Variants in RAB11FIP3 observed in about 807,000 individuals in gnomAD.
RAB11FIP3 encodes RAB11 family interacting protein 3.
In RAB11FIP3, 17 loss-of-function variants were observed where a neutral mutation model predicts 77.8. The ratio of observed to expected loss-of-function variants is 0.22; its 90% CI spans 0.15 to 0.33. RAB11FIP3 has a LOEUF of 0.33. RAB11FIP3 is among the 10% of genes least tolerant of loss of function. The pLI is 1.00. For missense variants in RAB11FIP3, 1,005 were observed against 1,011.2 expected (o/e 0.99, Z 0.08); for synonymous variants, 437 against 448.2 (o/e 0.98, Z 0.31).
Position 519,839 on chromosome 16 carries a change from G to C in RAB11FIP3, c.1808G>C (p.Arg603Thr), listed in dbSNP as rs1291033947. 1 of 1,602,806 alleles carries C rather than the reference G, an allele frequency of 6.2e-7. No homozygotes were observed. The highest frequency in any genetic ancestry group is 8.5e-7 in the Non-Finnish European group (1 of 1,174,990). The change falls in exon 11 of 14, where the codon AGG becomes ACG. Residue 603 changes from arginine to threonine, a missense_variant. Arg to Thr is a moderately conservative substitution (Grantham distance 71, BLOSUM62 -1). Coordinates refer to ENST00000262305, the MANE Select transcript of RAB11FIP3 (RefSeq NM_014700.4). ...EQENKRRMGDRLSHERHQFQR... is the reference protein window; with the variant it reads ...EQENKRRMGDTLSHERHQFQR... ...GAGAACAAGAGGAGAATGGGGGACA[G>C]GCTGAGTCACGAGAGGCACCAGTTC...
intron 6 of RAB11FIP3, chr16:497,545 C>T: frequency 9.7e-7 from 1 of 1,028,662 alleles, no homozygotes; most frequent in Non-Finnish European, 1.2e-6. Flanking sequence ...CTCCAGCTTC[C>T]TCTGGAGCAT....
Position 426,751 on chromosome 16 carries a change from A to G in RAB11FIP3, c.714+31A>G, listed in dbSNP as rs370595601. 2.9e-5 allele frequency: 42 copies of G among 1,455,820 alleles called. No homozygotes were observed. Among genetic ancestry groups the G allele is most frequent in the Non-Finnish European group, 3.8e-5 (42 of 1,100,350 alleles). 90.2% of individuals were successfully genotyped at this position (1,455,820 alleles called of 1,614,324 possible). A position where few individuals can be genotyped will look rare whatever the true frequency, so the allele number is the denominator to read the frequency against. On this transcript the variant is annotated intron_variant, in intron 1 of 13. Transcript: ENST00000262305. The surrounding 1 kb of genome is among the most constrained non-coding windows in gnomAD (Gnocchi z 5.0). ...GAGCGGCCCGGGCCGGGGCGTGGGA[A>G]CTGGGCAGGTGCGCGCTGGCCGGCG...
Position 461,487 on chromosome 16 carries a change from C to A in RAB11FIP3, c.798C>A (p.Ile266=). The A allele has an allele frequency of 6.2e-7, 1 of 1,613,420 alleles. No individual in the cohort carries two copies. The highest frequency in any genetic ancestry group is 8.5e-7 in the Non-Finnish European group (1 of 1,179,842). The change falls in exon 2 of 14, where the codon ATC becomes ATA. Residue 266 remains isoleucine (I), a synonymous_variant. Transcript: ENST00000262305. This position sits in a 1 kb window ranked among gnomAD's most constrained non-coding sequence, Gnocchi z 4.5. ...FEDFYQGITA[I]RNGDPDGQCY... is the part of the protein sequence containing the mutation. ...ACTTCTACCAAGGGATCACAGCCATCAGAAACGGAGGTCAGTCATCCCCGC... is the reference window on the plus strand; with the variant it reads ...ACTTCTACCAAGGGATCACAGCCATAAGAAACGGAGGTCAGTCATCCCCGC...
intron 5 of RAB11FIP3, among the ~76,000 whole-genome samples, chr16:494,054 TC>T (rs2030871709): frequency 1.2e-5 from 1 of 81,112 alleles, no homozygotes; most frequent in Non-Finnish European, 2.3e-5. Flanking sequence ...CAGGCGCCCA[TC>T]ACCACACCTG....
intron 5 of RAB11FIP3, among the ~76,000 whole-genome samples, chr16:492,425 C>CCCCGGAGACCCGAGGCCGCCCAGAGCCCT: frequency 2.3e-5 from 1 of 43,222 alleles, no homozygotes; most frequent in South Asian, 5.1e-4. Flanking sequence ...CCAGGGCCCT[C>CCCCGGAGACCCGAGGCCGCCCAGAGCCCT]CCCGGGAGAC....
intron 3 of RAB11FIP3, among the ~76,000 whole-genome samples, chr16:478,942 G>A (rs1408046578): frequency 6.6e-6 from 1 of 152,126 alleles, no homozygotes; most frequent in Admixed American, 6.6e-5. Context: ...TCCAGCCTGG[G>A]TGACAGAGTG....
chr16:497,104 T>C (rs2031203036), intron 6 of RAB11FIP3: 2 of 556,698 alleles, frequency 3.6e-6, no homozygotes, highest in Non-Finnish European at 5.8e-6. Flanking sequence ...GCTGGGCCTC[T>C]TGTGTGTTCA....
At chr16:510,281 GT>G (rs2032078779) in intron 8 of RAB11FIP3, among the ~76,000 whole-genome samples, 1 of 152,286 alleles carries the variant, frequency 6.6e-6, no homozygotes, top group East Asian at 1.9e-4. Flanking sequence ...GAGCGCACGC[GT>G]TGTGTGTAGT....
Position 426,444 on chromosome 16 carries a change from G to C in RAB11FIP3, c.438G>C (p.Gln146His), listed in dbSNP as rs1484954919. The change falls in exon 1 of 14, where the codon CAG becomes CAC. Residue 146 changes from glutamine to histidine, a missense_variant. By Grantham distance (24) the Gln-to-His change is conservative. This residue lies in a region of RAB11FIP3 where 466 missense variants were observed against 408.3 expected (regional missense o/e 1.14). Transcript: ENST00000262305. The surrounding 1 kb of genome is among the most constrained non-coding windows in gnomAD (Gnocchi z 5.0). ...SCPESAPFRL[Q>H]GSSSSHRARG... ...CGGAGAGCGCGCCTTTCCGCTTGCAGGGGTCCAGCAGCAGCCACCGAGCGC... is the reference window on the plus strand; with the variant it reads ...CGGAGAGCGCGCCTTTCCGCTTGCACGGGTCCAGCAGCAGCCACCGAGCGC... 1 of 1,585,508 alleles carries C rather than the reference G, an allele frequency of 6.3e-7. No homozygotes were observed. The highest frequency in any genetic ancestry group is 1.8e-5 in the Admixed American group (1 of 56,204).
At chr16:502,461 T>A (rs550206486) in intron 6 of RAB11FIP3, among the ~76,000 whole-genome samples, 1 of 152,304 alleles carries the variant, frequency 6.6e-6, no homozygotes, top group Non-Finnish European at 1.5e-5. Context: ...CGGACCAGTT[T>A]CCCAGTGTGT....
At chr16:445,118 A>C (rs1165801247) in intron 1 of RAB11FIP3, among the ~76,000 whole-genome samples, 1 of 139,112 alleles carries the variant, frequency 7.2e-6, no homozygotes, top group Admixed American at 7.3e-5. Flanking sequence ...TGTCTCAAAA[A>C]AAAAAAAAAA....
At chr16:492,413 G>A (rs980343765) in intron 5 of RAB11FIP3, among the ~76,000 whole-genome samples, 7 of 142,906 alleles carry the variant, frequency 4.9e-5, no homozygotes, top group African/African-American at 1.3e-4. Flanking sequence ...ACCCGAGGCC[G>A]CCCAGGGCCC....
At chr16:491,331 C>G in intron 5 of RAB11FIP3, 1 of 1,275,290 alleles carries the variant, frequency 7.8e-7, no homozygotes, top group Non-Finnish European at 1.0e-6. Context: ...CGGATACCCA[C>G]AGCCCCCTTG....
In RAB11FIP3 at chr16:511,017, G is replaced by A. The variant is rs544626251; in HGVS notation, c.1640+217G>A. Among the ~76,000 whole-genome samples, 6 of 141,080 alleles carry A rather than the reference G, an allele frequency of 4.3e-5. 1 individual carries two copies. The East Asian group carries it at 8.6e-4, about 20-fold the overall frequency. 92.6% of individuals were successfully genotyped at this position (141,080 alleles called of 152,430 possible). ...GGTAGGAGAAGTTCCCCGAAAGTCC[G>A]CCAACCCCAGAACCTGCCGGCCAGG... On this transcript the variant is annotated intron_variant, in intron 9 of 13. Coordinates refer to ENST00000262305, the MANE Select transcript of RAB11FIP3 (RefSeq NM_014700.4).
rs994872134 is a variant in RAB11FIP3 at position 503,016 on chromosome 16, G to A, written c.1314G>A (p.Gln438=). 5.6e-6 allele frequency: 9 copies of A among 1,612,368 alleles called. No individual in the cohort carries two copies. In the African/African-American group the frequency reaches 9.3e-5, roughly 17 times the overall value. The change falls in exon 7 of 14, where the codon CAG becomes CAA. Residue 438 remains glutamine, a synonymous_variant. Coordinates refer to ENST00000262305, the MANE Select transcript of RAB11FIP3 (RefSeq NM_014700.4). ...SSKKVARYLH[Q]SGALTMEALE... Reference sequence around the variant, plus strand: ...GCCTTTTCTGTAGGTACCTGCACCAGTCAGGGGCCCTGACCATGGAGGCCC... The same window carrying A: ...GCCTTTTCTGTAGGTACCTGCACCAATCAGGGGCCCTGACCATGGAGGCCC...
intron 1 of RAB11FIP3, among the ~76,000 whole-genome samples, chr16:460,711 T>C (rs781378274): frequency 2.0e-5 from 3 of 152,214 alleles, no homozygotes; most frequent in Non-Finnish European, 2.9e-5. Flanking sequence ...CTATGTAACA[T>C]ATCTATGTTG....
chr16:442,374 A>C (rs942577837), intron 1 of RAB11FIP3, among the ~76,000 whole-genome samples: 24 of 152,176 alleles, frequency 1.6e-4, no homozygotes, highest in African/African-American at 5.3e-4. Flanking sequence ...TGGGCATGGT[A>C]GTTGGAGTTA....
intron 1 of RAB11FIP3, among the ~76,000 whole-genome samples, chr16:440,037 T>A (rs544557995): frequency 1.0e-3 from 158 of 152,110 alleles, no homozygotes; most frequent in Non-Finnish European, 2.0e-3. Flanking sequence ...ACACGGGGTT[T>A]CACTGTGTTA....
chr16:427,619 C>G (rs1204510), intron 1 of RAB11FIP3, among the ~76,000 whole-genome samples: 59,039 of 152,084 alleles, frequency 0.39, 11,740 homozygotes, highest in South Asian at 0.53. Flanking sequence ...CCAGTGCTCA[C>G]TTTTAAATAT....
Sources: allele counts gnomAD v4.1 joint callset (sites outside exome capture counted in the v4.1 genomes callset), GRCh38; gene constraint gnomAD v4.1.1; regional missense constraint gnomAD v4.1.1; non-coding constraint Gnocchi (gnomAD v3.1); transcripts MANE v1.5; gene names NCBI Gene and HGNC (gene_info 2026-07-23, HGNC 2026-07-21).